INSYN2B: variants seen among roughly 807,000 people sequenced by gnomAD.
INSYN2B encodes inhibitory synaptic factor family member 2B.
Under a neutral mutation model 41.2 loss-of-function variants are expected in INSYN2B, and 16 were observed. The ratio of observed to expected loss-of-function variants is 0.39; its 90% CI spans 0.26 to 0.59. The LOEUF (loss-of-function observed/expected upper bound fraction) is 0.59, where lower values mean the gene tolerates loss of function less well. Ranked by LOEUF, INSYN2B falls within the 20% of genes least tolerant of loss-of-function variation. The pLI is 0.57. For missense variants in INSYN2B, 608 were observed against 646.4 expected (o/e 0.94, Z 0.64); for synonymous variants, 245 against 244.4 (o/e 1.00, Z -0.02).
In INSYN2B at chr5:169,862,417, G is replaced by T. The variant is rs1476614998; in HGVS notation, c.*1856C>A. Reference sequence around the variant, plus strand: ...ACTACAAGATAAAATTACATAAGAGGTCCCAAATGATTTCACTTTATTGGA... The same window carrying T: ...ACTACAAGATAAAATTACATAAGAGTTCCCAAATGATTTCACTTTATTGGA... On this transcript the variant is annotated 3_prime_UTR_variant, in exon 4 of 4. Transcript: ENST00000377365. Among the ~76,000 whole-genome samples, 2 of 152,064 alleles carry T rather than the reference G, an allele frequency of 1.3e-5. No individual in the cohort carries two copies. The highest frequency in any genetic ancestry group is 2.4e-5 in the African/African-American group (1 of 41,398).
intron 1 of INSYN2B, among the ~76,000 whole-genome samples, chr5:169,967,684 T>C (rs965518117): frequency 2.6e-5 from 4 of 152,196 alleles, no homozygotes; most frequent in Admixed American, 2.6e-4. Flanking sequence ...ACAGGGAGAA[T>C]TGATTAGAGG....
At chr5:169,918,755 A>G (rs958921661) in intron 1 of INSYN2B, among the ~76,000 whole-genome samples, 1 of 152,162 alleles carries the variant, frequency 6.6e-6, no homozygotes. Flanking sequence ...TCTACTAAAA[A>G]TACAAAAATT....
chr5:169,926,980 T>C lies in INSYN2B; in HGVS notation c.-918-42164A>G, dbSNP rs184967845. On this transcript the variant is annotated intron_variant, in intron 1 of 3. Transcript: ENST00000377365. The stretch of plus-strand genomic sequence containing the variant: ...ATGAGGCTGGCTACTTTAGGTGGGA[T>C]GGCCAAGGATAACATCTCTCTGACA... 2.2e-3 allele frequency among the ~76,000 whole-genome samples: 331 copies of C among 152,340 alleles called. 1 individual carries two copies. Among genetic ancestry groups the C allele is most frequent in the African/African-American group, 7.5e-3 (313 of 41,578 alleles).
chr5:169,949,597 G>A (rs1167922008), intron 1 of INSYN2B, among the ~76,000 whole-genome samples: 1 of 151,510 alleles, frequency 6.6e-6, no homozygotes, highest in Non-Finnish European at 1.5e-5. Flanking sequence ...TAATGGTGGG[G>A]GTGATGTGAA....
chr5:169,884,007 GC>G lies in INSYN2B; in HGVS notation c.-110del. On this transcript the variant is annotated 5_prime_UTR_variant, in exon 2 of 4. The change creates a premature stop within an existing upstream ORF in the 5' untranslated region. Transcript: ENST00000377365. ...GTATTTCAATCATAGAGAACTGCTG[GC>G]CAGGATGGAGTGGTCCTCTCCTCTT... 9.0e-7 allele frequency: 1 copy of G among 1,112,394 alleles called. No homozygotes were observed. Among genetic ancestry groups the G allele is most frequent in the Non-Finnish European group, 1.2e-6 (1 of 825,658 alleles). The allele number at this position is 1,112,394 out of a possible 1,614,324, so 68.9% of individuals were successfully genotyped here.
intron 1 of INSYN2B, among the ~76,000 whole-genome samples, chr5:169,889,880 G>A (rs1160115441): frequency 6.6e-6 from 1 of 152,224 alleles, no homozygotes; most frequent in Non-Finnish European, 1.5e-5. Flanking sequence ...TTGAGCAGGA[G>A]GCTCTTGATT....
intron 3 of INSYN2B, among the ~76,000 whole-genome samples, chr5:169,871,481 C>T (rs1172264050): frequency 6.6e-6 from 1 of 152,176 alleles, no homozygotes; most frequent in Non-Finnish European, 1.5e-5. Context: ...CATGAATTCT[C>T]ACAATCCCAT....
rs1010923561 is a variant in INSYN2B at position 169,948,240 on chromosome 5, T to C, written c.-919+32037A>G. ...AAGATACTGTGGGGAACAGTGCAGA[T>C]GAAGGCCCTGCTCTCACAGAGCTTA... On this transcript the variant is annotated intron_variant, in intron 1 of 3. Transcript: ENST00000377365. 8.5e-5 allele frequency among the ~76,000 whole-genome samples: 13 copies of C among 152,306 alleles called. No individual in the cohort carries two copies. In the East Asian group the frequency reaches 2.5e-3, roughly 29 times the overall value.
chr5:169,926,559 T>A (rs1775471937), intron 1 of INSYN2B, among the ~76,000 whole-genome samples: 1 of 152,010 alleles, frequency 6.6e-6, no homozygotes, highest in African/African-American at 2.4e-5. Flanking sequence ...GGCTGGAAGG[T>A]GGGGGCAGTG....
intron 1 of INSYN2B, among the ~76,000 whole-genome samples, chr5:169,930,154 C>T (rs1010629952): frequency 4.6e-5 from 7 of 152,130 alleles, no homozygotes; most frequent in Non-Finnish European, 8.8e-5. Context: ...CCATGCCCAG[C>T]TAATTTTTTG....
At chr5:169,893,805 T>C (rs1480197044) in intron 1 of INSYN2B, among the ~76,000 whole-genome samples, 1 of 152,220 alleles carries the variant, frequency 6.6e-6, no homozygotes, top group Non-Finnish European at 1.5e-5. Context: ...TTTTCAATGT[T>C]GACGTGTCAA....
chr5:169,970,865 A>G (rs1441142446), intron 1 of INSYN2B, among the ~76,000 whole-genome samples: 1 of 152,100 alleles, frequency 6.6e-6, no homozygotes, highest in African/African-American at 2.4e-5. Context: ...TCATTGTGTC[A>G]GTTGATTTTT....
Position 169,883,520 on chromosome 5 carries a change from CT to C in INSYN2B, c.378del (p.Ala127ProfsTer25). On this transcript the variant is annotated frameshift_variant, in exon 2 of 4. Transcript: ENST00000377365. LOFTEE classifies it high-confidence loss of function. ...TTGACCTGGATGGCACTTTGGGAGG[CT>C]GTTGGCATTTCCACCAGGGACTTAC... ...TASKSLVEMP[T>X]ASQSAIQVNG... is the part of the protein sequence containing the mutation. The C allele has an allele frequency of 6.4e-7, 1 of 1,551,624 alleles. No homozygotes were observed. Among genetic ancestry groups the C allele is most frequent in the Non-Finnish European group, 8.7e-7 (1 of 1,146,956 alleles).
Position 169,923,483 on chromosome 5 carries a change from G to GCACACA in INSYN2B, c.-918-38673_-918-38668dup, listed in dbSNP as rs34053722. Among the ~76,000 whole-genome samples, 525 of 148,922 alleles carry GCACACA rather than the reference G, an allele frequency of 3.5e-3. 3 individuals are homozygous for GCACACA. Among genetic ancestry groups the GCACACA allele is most frequent in the African/African-American group, 0.012 (496 of 40,598 alleles). ...CATGCGTGCGTGTGCATGCACGTGG[G>GCACACA]CACACACACACACACACACACACAC... is the stretch of plus-strand genomic sequence containing the variant. On this transcript the variant is annotated intron_variant, in intron 1 of 3. Transcript: ENST00000377365.
At chr5:169,914,670 A>G (rs1441015450) in intron 1 of INSYN2B, among the ~76,000 whole-genome samples, 1 of 152,230 alleles carries the variant, frequency 6.6e-6, no homozygotes, top group Non-Finnish European at 1.5e-5. Flanking sequence ...GCATCTTAGT[A>G]GTAACCTGGG....
chr5:169,905,195 A>G (rs1047283475), intron 1 of INSYN2B, among the ~76,000 whole-genome samples: 1 of 152,108 alleles, frequency 6.6e-6, no homozygotes, highest in Non-Finnish European at 1.5e-5. Context: ...GCTGGGAGCA[A>G]GCTAGGCAGA....
At chr5:169,877,857 A>G (rs1213525644) in intron 3 of INSYN2B, among the ~76,000 whole-genome samples, 2 of 152,136 alleles carry the variant, frequency 1.3e-5, no homozygotes, top group African/African-American at 4.8e-5. Context: ...CAAATCCTAC[A>G]TGGCCAATCT....
intron 1 of INSYN2B, among the ~76,000 whole-genome samples, chr5:169,897,197 T>C (rs116333540): frequency 0.058 from 8,777 of 152,270 alleles, 323 homozygotes; most frequent in Non-Finnish European, 0.083. Flanking sequence ...GTGAGCTCTT[T>C]TTTTTTGAGA....
At chr5:169,970,416 C>G (rs569770527) in intron 1 of INSYN2B, among the ~76,000 whole-genome samples, 2 of 152,282 alleles carry the variant, frequency 1.3e-5, no homozygotes, top group East Asian at 3.9e-4. Flanking sequence ...TGAAATAAGG[C>G]TGGGAAAGAA....
Sources: allele counts gnomAD v4.1 joint callset (sites outside exome capture counted in the v4.1 genomes callset), GRCh38; gene constraint gnomAD v4.1.1; transcripts MANE v1.5; gene names NCBI Gene and HGNC (gene_info 2026-07-23, HGNC 2026-07-21).